Variants in MAP2K6 observed in about 807,000 individuals in gnomAD.
MAP2K6 encodes dual specificity mitogen-activated protein kinase kinase 6.
In MAP2K6, 16 loss-of-function variants were observed where a neutral mutation model predicts 53.7. The observed-to-expected ratio is 0.30, with a 90% confidence interval of 0.20 to 0.45. MAP2K6 has a LOEUF of 0.45. Among genes scored for constraint, MAP2K6 ranks in the 20% least tolerant of loss-of-function variants. MAP2K6 has a pLI of 1.00. For synonymous variants in MAP2K6, 132 were observed against 143.1 expected, an observed-to-expected ratio of 0.92 and a Z score of 0.55; for missense variants, 204 against 411.9, an observed-to-expected ratio of 0.50 and a Z score of 4.37.
At chr17:69,514,860 G>A (rs929237095) in intron 2 of MAP2K6, among the ~76,000 whole-genome samples, 10 of 151,978 alleles carry the variant, frequency 6.6e-5, no homozygotes, top group Admixed American at 3.9e-4. Flanking sequence ...CTGCGCCTCC[G>A]CCCATATTCC....
chr17:69,420,479 T>G (rs1906042746), intron 1 of MAP2K6, among the ~76,000 whole-genome samples: 1 of 152,234 alleles, frequency 6.6e-6, no homozygotes, highest in Non-Finnish European at 1.5e-5. Flanking sequence ...GTCAATCAGA[T>G]TTAACATATC....
At chr17:69,499,130 C>G (rs16974082) in intron 1 of MAP2K6, among the ~76,000 whole-genome samples, 4,037 of 152,186 alleles carry the variant, frequency 0.027, 188 homozygotes, top group African/African-American at 0.091. Context: ...TGGAGAAGTT[C>G]CCATAGTCAG....
intron 1 of MAP2K6, among the ~76,000 whole-genome samples, chr17:69,422,995 T>C (rs1398058872): frequency 1.3e-5 from 2 of 152,146 alleles, no homozygotes; most frequent in African/African-American, 4.8e-5. Context: ...GCGATCCTCC[T>C]GCCTCAGCCT....
intron 1 of MAP2K6, among the ~76,000 whole-genome samples, chr17:69,453,562 C>T (rs1451742021): frequency 2.0e-5 from 3 of 152,226 alleles, no homozygotes; most frequent in Non-Finnish European, 2.9e-5. Flanking sequence ...TTCTCCTGCT[C>T]ACCTCTCTCC....
intron 1 of MAP2K6, among the ~76,000 whole-genome samples, chr17:69,491,269 G>A (rs1449410677): frequency 3.3e-5 from 5 of 152,134 alleles, no homozygotes; most frequent in Admixed American, 3.3e-4. Flanking sequence ...TCAGCCTCCT[G>A]AGTAGCTGGG....
chr17:69,491,829 G>A (rs1014070921), intron 1 of MAP2K6, among the ~76,000 whole-genome samples: 6 of 151,844 alleles, frequency 4.0e-5, no homozygotes, highest in South Asian at 2.1e-4. Context: ...ATTCAGACTG[G>A]TCTGAGATGT....
chr17:69,472,854 A>G (rs1908027837), intron 1 of MAP2K6, among the ~76,000 whole-genome samples: 1 of 152,108 alleles, frequency 6.6e-6, no homozygotes, highest in South Asian at 2.1e-4. Context: ...ATGCGCCACC[A>G]TGCCCGTCTA....
chr17:69,444,821 A>G (rs1906923425), intron 1 of MAP2K6, among the ~76,000 whole-genome samples: 1 of 152,256 alleles, frequency 6.6e-6, no homozygotes, highest in Non-Finnish European at 1.5e-5. Flanking sequence ...CAAATGCATG[A>G]CAAACGTCCA....
intron 1 of MAP2K6, among the ~76,000 whole-genome samples, chr17:69,471,691 A>T (rs1436609551): frequency 6.6e-6 from 1 of 152,220 alleles, no homozygotes; most frequent in Non-Finnish European, 1.5e-5. Flanking sequence ...AAAATAAAGG[A>T]AAACAAAAAA....
At chr17:69,510,933 A>G (rs904112952) in intron 2 of MAP2K6, among the ~76,000 whole-genome samples, 2 of 150,818 alleles carry the variant, frequency 1.3e-5, no homozygotes, top group Non-Finnish European at 3.0e-5. Flanking sequence ...CCTATTTTCA[A>G]TTTTATTGCT....
At chr17:69,454,212 G>A (rs1907324869) in intron 1 of MAP2K6, among the ~76,000 whole-genome samples, 1 of 152,196 alleles carries the variant, frequency 6.6e-6, no homozygotes, top group African/African-American at 2.4e-5. Context: ...TCCTCCATCA[G>A]TGAGTGTGGT....
rs574262597 is a variant in MAP2K6 at position 69,471,726 on chromosome 17, C to T, written c.17-34054C>T. Among the ~76,000 whole-genome samples, 7 of 152,192 alleles carry T rather than the reference C, an allele frequency of 4.6e-5. No individual in the cohort carries two copies. The South Asian group carries it at 1.2e-3, about 27-fold the overall frequency. On this transcript the variant is annotated intron_variant, in intron 1 of 11. Coordinates refer to ENST00000590474, the MANE Select transcript of MAP2K6 (RefSeq NM_002758.4). ...AACCCAAAATAGCAAATAAAAAATT[C>T]CATAAATAATTCATATGTTAAAAAA...
intron 1 of MAP2K6, among the ~76,000 whole-genome samples, chr17:69,503,079 C>A (rs1429229113): frequency 6.6e-6 from 1 of 152,134 alleles, no homozygotes; most frequent in Non-Finnish European, 1.5e-5. Flanking sequence ...CAACTGGAGA[C>A]CAGTTTTCAT....
At chr17:69,467,846 A>G (rs1907863845) in intron 1 of MAP2K6, among the ~76,000 whole-genome samples, 1 of 151,960 alleles carries the variant, frequency 6.6e-6, no homozygotes, top group Admixed American at 6.6e-5. Flanking sequence ...ATTTCAACTC[A>G]CTGCAACAAC....
At chr17:69,487,751 A>G (rs763970887) in intron 1 of MAP2K6, among the ~76,000 whole-genome samples, 1 of 152,172 alleles carries the variant, frequency 6.6e-6, no homozygotes, top group Non-Finnish European at 1.5e-5. Flanking sequence ...AGACTTTAAA[A>G]TCATCTGACT....
intron 4 of MAP2K6, 89 bp from the exon 5 acceptor site, chr17:69,519,224 G>T: frequency 6.9e-7 from 1 of 1,449,496 alleles, no homozygotes; most frequent in Middle Eastern, 1.8e-4. Flanking sequence ...CTTGTGTCAT[G>T]AACTATTTTC....
At chr17:69,481,970 A>G (rs1169709177) in intron 1 of MAP2K6, among the ~76,000 whole-genome samples, 3 of 152,126 alleles carry the variant, frequency 2.0e-5, no homozygotes, top group Non-Finnish European at 4.4e-5. Context: ...TTTAAAGGAC[A>G]TAGTTCATTT....
chr17:69,509,195 G>A (rs1351685587), intron 2 of MAP2K6, among the ~76,000 whole-genome samples: 1 of 152,064 alleles, frequency 6.6e-6, no homozygotes, highest in Non-Finnish European at 1.5e-5. Context: ...GATCAATTTA[G>A]GGCAAATTGA....
chr17:69,497,134 T>C (rs553573327), intron 1 of MAP2K6, among the ~76,000 whole-genome samples: 120 of 152,296 alleles, frequency 7.9e-4, no homozygotes, highest in African/African-American at 2.7e-3. Flanking sequence ...CTACCTCTTA[T>C]TTTTGGGTCT....
Sources: allele counts gnomAD v4.1 joint callset (sites outside exome capture counted in the v4.1 genomes callset), GRCh38; gene constraint gnomAD v4.1.1; transcripts MANE v1.5; gene names NCBI Gene and HGNC (gene_info 2026-07-23, HGNC 2026-07-21).